The following ZNF385D variants were observed in gnomAD, a reference collection of about 807,000 sequenced individuals.
ZNF385D encodes zinc finger protein 385D, also known as zinc finger protein 659.
Under a neutral mutation model 35.8 loss-of-function variants are expected in ZNF385D, and 15 were observed. That is an observed-to-expected ratio of 0.42 (90% confidence interval 0.28 to 0.64). The LOEUF (loss-of-function observed/expected upper bound fraction) is 0.64, where lower values mean the gene tolerates loss of function less well. Among genes scored for constraint, ZNF385D ranks in the 30% least tolerant of loss-of-function variants. The pLI is 0.23. For synonymous variants in ZNF385D, 212 were observed against 186.8 expected, an observed-to-expected ratio of 1.13 and a Z score of -1.10; for missense variants, 474 against 494.6, an observed-to-expected ratio of 0.96 and a Z score of 0.39.
intron 3 of ZNF385D, among the ~76,000 whole-genome samples, chr3:21,931,343 T>C (rs1684481): frequency 0.25 from 38,096 of 152,082 alleles, 5,074 homozygotes; most frequent in Middle Eastern, 0.33. Flanking sequence ...ACATAGGTGG[T>C]GACAACATAA....
chr3:21,643,739 C>T (rs1010047409), intron 2 of ZNF385D, among the ~76,000 whole-genome samples: 2 of 151,996 alleles, frequency 1.3e-5, no homozygotes, highest in African/African-American at 2.4e-5. Context: ...GTAGAAATGG[C>T]TGAAAGTGAG....
At chr3:21,858,882 C>T (rs1696882317) in intron 3 of ZNF385D, among the ~76,000 whole-genome samples, 1 of 152,070 alleles carries the variant, frequency 6.6e-6, no homozygotes, top group East Asian at 1.9e-4. Flanking sequence ...TCACTCACCT[C>T]ACAGTGCCAG....
chr3:21,753,119 A>G (rs1184675643), upstream of ZNF385D, among the ~76,000 whole-genome samples: 1 of 152,198 alleles, frequency 6.6e-6, no homozygotes, highest in African/African-American at 2.4e-5. Context: ...TACAGTTAAA[A>G]GGCACTTTCA....
At chr3:21,763,747 C>T (rs577064022) in intron 3 of ZNF385D, among the ~76,000 whole-genome samples, 8 of 151,010 alleles carry the variant, frequency 5.3e-5, no homozygotes, top group African/African-American at 7.3e-5. Context: ...TATGTAGCAT[C>T]TACCCTTCAG....
intron 3 of ZNF385D, among the ~76,000 whole-genome samples, chr3:21,907,418 A>G (rs143718405): frequency 6.6e-6 from 1 of 152,250 alleles, no homozygotes; most frequent in African/African-American, 2.4e-5. Flanking sequence ...CCATTTTCAT[A>G]TCAATATAGT....
At chr3:22,068,129 A>C (rs1380410760) in intron 3 of ZNF385D, among the ~76,000 whole-genome samples, 1 of 152,238 alleles carries the variant, frequency 6.6e-6, no homozygotes, top group Admixed American at 6.5e-5. Context: ...AGTAACTTTG[A>C]GAAGGTCTTA....
intron 2 of ZNF385D, among the ~76,000 whole-genome samples, chr3:21,566,936 G>T (rs960014040): frequency 6.6e-6 from 1 of 152,078 alleles, no homozygotes; most frequent in African/African-American, 2.4e-5. Flanking sequence ...TCACATAAAT[G>T]TTATCATAGA....
At chr3:21,591,801 T>G (rs1262188409) in intron 2 of ZNF385D, among the ~76,000 whole-genome samples, 2 of 152,200 alleles carry the variant, frequency 1.3e-5, no homozygotes, top group Non-Finnish European at 2.9e-5. Flanking sequence ...AACAGTTTTT[T>G]TCCAGTTGTA....
chr3:21,780,475 G>C (rs1320938668), intron 3 of ZNF385D, among the ~76,000 whole-genome samples: 1 of 151,976 alleles, frequency 6.6e-6, no homozygotes, highest in Non-Finnish European at 1.5e-5. Flanking sequence ...GATACGACAT[G>C]CATCTGTACT....
In ZNF385D at chr3:22,188,643, G is replaced by T. The variant is rs1049947045; in HGVS notation, c.107-19608C>A. Among the ~76,000 whole-genome samples, 8 of 152,060 alleles carry T rather than the reference G, an allele frequency of 5.3e-5. No homozygotes were observed. The East Asian group carries it at 1.6e-3, about 29-fold the overall frequency. On this transcript the variant is annotated intron_variant, in intron 2 of 5. Coordinates refer to the ZNF385D transcript ENST00000494108. ...TTTTTGTATTTTTTAGAAGAGATGGGGTTTCACCGTGTTAGCCAGGATGGT... is the reference window on the plus strand; with the variant it reads ...TTTTTGTATTTTTTAGAAGAGATGGTGTTTCACCGTGTTAGCCAGGATGGT...
At chr3:22,053,332 G>A (rs1699368244) in intron 3 of ZNF385D, among the ~76,000 whole-genome samples, 1 of 46,634 alleles carries the variant, frequency 2.1e-5, no homozygotes, top group East Asian at 1.1e-3. Context: ...GAATCCAGGA[G>A]CTGGTTTTTT....
At chr3:22,001,117 C>A (rs1695817755) in intron 3 of ZNF385D, among the ~76,000 whole-genome samples, 1 of 151,836 alleles carries the variant, frequency 6.6e-6, no homozygotes, top group Non-Finnish European at 1.5e-5. Context: ...AAGCAATTAA[C>A]AAAAGGATAG....
In ZNF385D at chr3:21,508,969, C is replaced by CT. The variant is rs200174782; in HGVS notation, c.439+1891dup. ...TTAACAGAGACAACACACCTGGGGGCTTTTTTTTTTTTTCTTTTTCTTTTT... is the reference window on the plus strand; with the variant it reads ...TTAACAGAGACAACACACCTGGGGGCTTTTTTTTTTTTTTCTTTTTCTTTTT... On this transcript the variant is annotated intron_variant, in intron 4 of 7. Transcript: ENST00000281523. Among the ~76,000 whole-genome samples the CT allele has an allele frequency of 4.9e-3, 693 of 142,324 alleles. 5 individuals carry two copies. The highest frequency in any genetic ancestry group is 0.017 in the South Asian group (79 of 4,550). The allele number at this position is 142,324 out of a possible 152,430, so 93.4% of individuals were successfully genotyped here.
intron 1 of ZNF385D, among the ~76,000 whole-genome samples, chr3:21,672,931 T>C (rs1266030233): frequency 1.3e-5 from 2 of 152,122 alleles, no homozygotes; most frequent in Non-Finnish European, 2.9e-5. Flanking sequence ...GTTAGGAGTA[T>C]CAGGCAAGGA....
At chr3:22,331,686 G>T (rs1328354240) in intron 2 of ZNF385D, among the ~76,000 whole-genome samples, 1 of 152,118 alleles carries the variant, frequency 6.6e-6, no homozygotes, top group East Asian at 1.9e-4. Context: ...GACTAAATTT[G>T]TATCAGCTAT....
chr3:22,037,812 G>A (rs1698432140), intron 3 of ZNF385D, among the ~76,000 whole-genome samples: 1 of 152,070 alleles, frequency 6.6e-6, no homozygotes, highest in African/African-American at 2.4e-5. Flanking sequence ...GTATTGCCTA[G>A]GTTTTCTTCT....
chr3:21,720,955 G>T (rs576678954), intron 1 of ZNF385D, among the ~76,000 whole-genome samples: 1 of 152,232 alleles, frequency 6.6e-6, no homozygotes, highest in South Asian at 2.1e-4. Context: ...AATGGAGCAG[G>T]GAGATAAACA....
chr3:21,765,704 C>T (rs764088730), intron 3 of ZNF385D, among the ~76,000 whole-genome samples: 2 of 149,320 alleles, frequency 1.3e-5, no homozygotes, highest in Non-Finnish European at 3.0e-5. Context: ...TGCATGCACA[C>T]GCACACACAT....
chr3:22,190,226 C>A (rs529058554), intron 2 of ZNF385D, among the ~76,000 whole-genome samples: 3 of 152,090 alleles, frequency 2.0e-5, no homozygotes, highest in Admixed American at 2.0e-4. Context: ...AAAATCAAAT[C>A]TATGAGATGG....
Sources: gnomAD v4.1 joint callset for allele counts (sites outside exome capture counted in the v4.1 genomes callset) on GRCh38, gnomAD v4.1.1 for gene constraint, MANE v1.5 for transcripts, NCBI Gene and HGNC (gene_info 2026-07-23, HGNC 2026-07-21) for gene names.